Variants in HYDIN observed in about 807,000 individuals in gnomAD.
HYDIN encodes the protein HYDIN axonemal central pair apparatus protein.
A neutral mutation model predicts 403.9 loss-of-function variants in HYDIN; 132 were observed. That is an observed-to-expected ratio of 0.33 (90% CI 0.28 to 0.38). The LOEUF is 0.38. HYDIN is among the 10% of genes least tolerant of loss of function. HYDIN has a pLI of 1.00. For missense variants in HYDIN, 2,827 were observed against 5,009.5 expected (o/e 0.56, Z 13.15); for synonymous variants, 1,202 against 1,891.7 (o/e 0.64, Z 9.46).
intron 41 of HYDIN, among the ~76,000 whole-genome samples, chr16:70,951,610 T>C (rs1430755915): frequency 6.6e-6 from 1 of 152,094 alleles, no homozygotes; most frequent in African/African-American, 2.4e-5. Context: ...GGTTCTCTTC[T>C]CCTTTAATTG....
intron 83 of HYDIN, among the ~76,000 whole-genome samples, chr16:70,819,396 TAA>T (rs2036077219): frequency 1.3e-5 from 2 of 152,060 alleles, no homozygotes; most frequent in African/African-American, 4.8e-5. Context: ...TAATTTAATT[TAA>T]TTTAATTTAA....
chr16:71,193,925 AGTTAAATCTTTGAAC>A lies in HYDIN; in HGVS notation c.-23-7022_-23-7008del, dbSNP rs1312821864. ...AGCCAGCAAAAATTTTTTTGCTCCC[AGTTAAATCTTTGAAC>A]AAGTTAAAATCCTTTCTACCCAATA... On this transcript the variant is annotated intron_variant, in intron 1 of 85. Transcript: ENST00000393567. Among the ~76,000 whole-genome samples the A allele has an allele frequency of 2.6e-5, 4 of 152,244 alleles. No homozygotes were observed. The East Asian group carries it at 7.7e-4, about 29-fold the overall frequency.
intron 42 of HYDIN, among the ~76,000 whole-genome samples, chr16:70,943,002 G>C (rs1274571920): frequency 6.6e-6 from 1 of 152,076 alleles, no homozygotes; most frequent in Non-Finnish European, 1.5e-5. Flanking sequence ...TTCTTGTGAT[G>C]ATATTCCTCC....
chr16:70,894,430 C>T lies in HYDIN; in HGVS notation c.9248+19G>A, dbSNP rs1322006631. 2.5e-6 allele frequency: 4 copies of T among 1,607,414 alleles called. No homozygotes were observed. The highest frequency in any genetic ancestry group is 3.4e-6 in the Non-Finnish European group (4 of 1,177,480). ...CACGGCGGACTTGATGGCCTTACAT[C>T]TGATGGGATTCCAGTTACCTGAACG... is the stretch of plus-strand genomic sequence containing the variant. On this transcript the variant is annotated intron_variant, in intron 55 of 85. Coordinates refer to ENST00000393567, the MANE Select transcript of HYDIN (RefSeq NM_001270974.2).
chr16:70,834,909 C>CATATATGTATATAT (rs1286142791), intron 78 of HYDIN, among the ~76,000 whole-genome samples: 81 of 144,860 alleles, frequency 5.6e-4, no homozygotes, highest in Middle Eastern at 3.6e-3. Flanking sequence ...TATACACACA[C>CATATATGTATATAT]ACATATATAC....
At chr16:71,031,959 G>A (rs1267102956) in intron 18 of HYDIN, 42 bp from the exon 19 acceptor site, 1 of 1,582,996 alleles carries the variant, frequency 6.3e-7, no homozygotes. Flanking sequence ...GATATTCTTG[G>A]CTTTTTGTTC....
rs780556311 is a variant in HYDIN, at chr16:70,920,752, G to C, written c.7624C>G (p.Leu2542Val). Reference protein sequence around the residue: ...ERERLEKLRALEERSDWEGEG... With the variant: ...ERERLEKLRAVEERSDWEGEG... Reference sequence around the variant, plus strand: ...CCCTCCCAGTCGCTCCGCTCCTCCAGGGCTCGCAGCTTCTCCAGGCGCTCC... The same window carrying C: ...CCCTCCCAGTCGCTCCGCTCCTCCACGGCTCGCAGCTTCTCCAGGCGCTCC... Residue 2542 changes from leucine to valine, a missense_variant, in exon 46 of 86, where the codon CTG (leucine) becomes GTG (valine). Leu to Val is a conservative substitution (Grantham distance 32). Coordinates refer to ENST00000393567, the MANE Select transcript of HYDIN (RefSeq NM_001270974.2). 8 of 1,568,288 alleles carry C rather than the reference G, an allele frequency of 5.1e-6. No individual in the cohort carries two copies. In the South Asian group the frequency reaches 9.3e-5, roughly 18 times the overall value.
intron 45 of HYDIN, among the ~76,000 whole-genome samples, chr16:70,923,508 A>T (rs2143822841): frequency 8.1e-6 from 1 of 123,136 alleles, no homozygotes; most frequent in Non-Finnish European, 1.7e-5. Context: ...GATATTATTA[A>T]AAAATAAGAA....
intron 28 of HYDIN, among the ~76,000 whole-genome samples, chr16:70,981,847 G>A (rs1480387636): frequency 2.0e-5 from 3 of 151,932 alleles, no homozygotes; most frequent in South Asian, 2.1e-4. Flanking sequence ...AAAATGGTTC[G>A]GCCGGGCCTG....
intron 5 of HYDIN, among the ~76,000 whole-genome samples, chr16:71,163,871 G>A (rs2086116198): frequency 1.3e-5 from 2 of 152,230 alleles, no homozygotes; most frequent in South Asian, 4.1e-4. Context: ...TAATCATACA[G>A]AACTAGCTAA....
At position 70,932,638 on chromosome 16, in the gene HYDIN, T is replaced by C. The variant is rs572139535; in HGVS notation, c.7158+3314A>G. 2.6e-5 allele frequency among the ~76,000 whole-genome samples: 4 copies of C among 152,370 alleles called. No individual in the cohort carries two copies. The South Asian group carries it at 8.3e-4, about 32-fold the overall frequency. On this transcript the variant is annotated intron_variant, in intron 45 of 85. Transcript: ENST00000393567. ...TGTTTGTTTTGTTTTTGCTTTTGTC[T>C]TATTCAATTTTAAATAGAGTGGCCA...
intron 1 of HYDIN, among the ~76,000 whole-genome samples, chr16:71,209,722 AG>A (rs1165229573): frequency 1.3e-5 from 2 of 152,200 alleles, no homozygotes; most frequent in African/African-American, 4.8e-5. Flanking sequence ...AAAAATCAGT[AG>A]CATTCATATA....
chr16:70,942,640 T>A (rs1307033017), intron 42 of HYDIN, among the ~76,000 whole-genome samples: 18 of 152,282 alleles, frequency 1.2e-4, no homozygotes, highest in Non-Finnish European at 2.6e-4. Flanking sequence ...CGTTAGGTTT[T>A]TGATGAGACA....
intron 1 of HYDIN, among the ~76,000 whole-genome samples, chr16:71,208,670 A>C (rs2088423176): frequency 6.6e-6 from 1 of 152,184 alleles, no homozygotes; most frequent in African/African-American, 2.4e-5. Flanking sequence ...AGAAGAATGA[A>C]GAAGAAAAGA....
intron 10 of HYDIN, among the ~76,000 whole-genome samples, chr16:71,114,224 C>CT (rs933486395): frequency 2.4e-4 from 36 of 152,100 alleles, no homozygotes; most frequent in African/African-American, 8.5e-4. Context: ...TCCACTGACG[C>CT]TTTTACCTGA....
chr16:71,185,572 C>T (rs2087107679), intron 2 of HYDIN, among the ~76,000 whole-genome samples: 1 of 152,052 alleles, frequency 6.6e-6, no homozygotes, highest in Non-Finnish European at 1.5e-5. Context: ...TTTGAAAGAG[C>T]TCTGAGCTAA....
At chr16:71,061,868 G>GTGTGTGTA (rs1349867317) in intron 17 of HYDIN, among the ~76,000 whole-genome samples, 2 of 54,808 alleles carry the variant, frequency 3.6e-5, no homozygotes, top group African/African-American at 1.0e-4. Flanking sequence ...GACAGTGTGT[G>GTGTGTGTA]TGTGTGTGTG....
chr16:71,045,471 G>C (rs7405291), intron 18 of HYDIN, among the ~76,000 whole-genome samples: 1 of 152,080 alleles, frequency 6.6e-6, no homozygotes, highest in Admixed American at 6.5e-5. Context: ...TTTGATTATT[G>C]GGGAGGCAAG....
chr16:70,877,776 C>A (rs1424109028), intron 62 of HYDIN, among the ~76,000 whole-genome samples: 2 of 151,994 alleles, frequency 1.3e-5, no homozygotes, highest in Non-Finnish European at 2.9e-5. Context: ...GGGTTGGGGA[C>A]CCCTCTCTTA....
Sources: gnomAD v4.1 joint callset for allele counts (sites outside exome capture counted in the v4.1 genomes callset) on GRCh38, gnomAD v4.1.1 for gene constraint, MANE v1.5 for transcripts, NCBI Gene and HGNC (gene_info 2026-07-23, HGNC 2026-07-21) for gene names.